Variants in STAG1 observed in about 807,000 individuals in gnomAD.
STAG1 encodes STAG1 cohesin complex component.
A neutral mutation model predicts 170.9 loss-of-function variants in STAG1; 26 were observed. The observed-to-expected ratio is 0.15, with a 90% CI of 0.11 to 0.21. The LOEUF (loss-of-function observed/expected upper bound fraction) is 0.21. Among genes scored for constraint, STAG1 ranks in the 10% least tolerant of loss-of-function variants. The pLI is 1.00. For missense variants in STAG1, 964 were observed against 1,509.5 expected, an observed-to-expected ratio of 0.64 and a Z score of 5.99; for synonymous variants, 514 against 497.7, an observed-to-expected ratio of 1.03 and a Z score of -0.44.
intron 1 of STAG1, among the ~76,000 whole-genome samples, chr3:136,728,578 A>G (rs1263422764): frequency 6.6e-6 from 1 of 152,160 alleles, no homozygotes; most frequent in Non-Finnish European, 1.5e-5. Context: ...AATATATACA[A>G]TATGCTAAGA....
At chr3:136,604,853 T>C (rs1301109677) in intron 3 of STAG1, among the ~76,000 whole-genome samples, 1 of 152,192 alleles carries the variant, frequency 6.6e-6, no homozygotes, top group Non-Finnish European at 1.5e-5. Flanking sequence ...TTTCACCATG[T>C]TGGCCAGGCT....
chr3:136,678,457 T>C (rs1258061393), intron 1 of STAG1, among the ~76,000 whole-genome samples: 1 of 148,654 alleles, frequency 6.7e-6, no homozygotes, highest in African/African-American at 2.5e-5. Flanking sequence ...GTTGAGAATC[T>C]CCAAGCAGAA....
rs138579947 is a variant in STAG1 at position 136,506,076 on chromosome 3, G to T, written c.677-3297C>A. On this transcript the variant is annotated intron_variant, in intron 7 of 33. Transcript: ENST00000383202. ...AGGCTCATGAATTAAATCTAAGCAG[G>T]GTAAGATGTCCTAGAGAATGTGGAG... Among the ~76,000 whole-genome samples, 12 of 152,250 alleles carry T rather than the reference G, an allele frequency of 7.9e-5. No homozygotes were observed. The East Asian group carries it at 2.3e-3, about 29-fold the overall frequency.
chr3:136,661,447 C>G (rs922564354), intron 1 of STAG1, among the ~76,000 whole-genome samples: 1 of 152,110 alleles, frequency 6.6e-6, no homozygotes, highest in African/African-American at 2.4e-5. Context: ...GCAGTCAAAA[C>G]AAAGGTGCAC....
intron 15 of STAG1, among the ~76,000 whole-genome samples, 180 bp from the exon 16 acceptor site, chr3:136,433,839 G>A (rs1001774802): frequency 3.3e-5 from 5 of 151,678 alleles, no homozygotes; most frequent in African/African-American, 7.3e-5. Context: ...GCTGTCATAA[G>A]TCAAATAGGA....
chr3:136,386,336 C>T (rs1251161371), intron 22 of STAG1, among the ~76,000 whole-genome samples: 3 of 151,894 alleles, frequency 2.0e-5, no homozygotes, highest in African/African-American at 4.8e-5. Flanking sequence ...GAGACTCTGT[C>T]GCAAAAATAA....
At chr3:136,626,342 C>A (rs953081877) in intron 2 of STAG1, among the ~76,000 whole-genome samples, 8 of 150,272 alleles carry the variant, frequency 5.3e-5, no homozygotes, top group African/African-American at 2.0e-4. Context: ...AGGAGAATTG[C>A]TTGAACCCAC....
chr3:136,722,003 C>G (rs891981910), intron 1 of STAG1, among the ~76,000 whole-genome samples: 1 of 151,952 alleles, frequency 6.6e-6, no homozygotes, highest in Non-Finnish European at 1.5e-5. Flanking sequence ...GGACAGATCG[C>G]TTGAGCTTCC....
At chr3:136,453,059 TC>T (rs2088992187) in intron 13 of STAG1, among the ~76,000 whole-genome samples, 1 of 152,148 alleles carries the variant, frequency 6.6e-6, no homozygotes, top group Non-Finnish European at 1.5e-5. Context: ...AGTTCTATTT[TC>T]CTAAACACTG....
At chr3:136,662,735 G>A (rs564988507) in intron 1 of STAG1, among the ~76,000 whole-genome samples, 7 of 151,726 alleles carry the variant, frequency 4.6e-5, no homozygotes, top group South Asian at 2.1e-4. Flanking sequence ...AAAAGCCACC[G>A]CACCCAGCCT....
At chr3:136,487,519 C>G (rs541414284) in intron 9 of STAG1, among the ~76,000 whole-genome samples, 1 of 152,300 alleles carries the variant, frequency 6.6e-6, no homozygotes, top group South Asian at 2.1e-4. Flanking sequence ...CTTTTCCAGA[C>G]TTGCAATTTG....
At chr3:136,494,154 C>T (rs993944405) in intron 9 of STAG1, among the ~76,000 whole-genome samples, 1 of 152,056 alleles carries the variant, frequency 6.6e-6, no homozygotes, top group Non-Finnish European at 1.5e-5. Flanking sequence ...TGCCTGCAGT[C>T]CTAGCTACTT....
chr3:136,703,048 C>G (rs1254151629), intron 1 of STAG1, among the ~76,000 whole-genome samples: 1 of 112,864 alleles, frequency 8.9e-6, no homozygotes, highest in Non-Finnish European at 1.7e-5. Context: ...AGCCTGGCAA[C>G]AGAGGAAGAC....
intron 1 of STAG1, among the ~76,000 whole-genome samples, chr3:136,711,350 A>C (rs1422643325): frequency 1.3e-5 from 2 of 152,170 alleles, no homozygotes; most frequent in Non-Finnish European, 2.9e-5. Context: ...ATCTTTAAAA[A>C]GAACAAGCTG....
chr3:136,340,600 C>A lies in STAG1; in HGVS notation c.3563G>T (p.Gly1188Val). Reference sequence around the variant, plus strand: ...GGGCTCAGCATCTTCCTCCATTAGACCCCGACTGGTAAGAAAAAGGTATTG... The same window carrying A: ...GGGCTCAGCATCTTCCTCCATTAGAACCCGACTGGTAAGAAAAAGGTATTG... The part of the protein sequence containing the change: ...VRTGVRHAVR[G>V]LMEEDAEPIF... The change falls in exon 32 of 34, where the codon GGT becomes GTT. Residue 1188 changes from glycine to valine, a missense_variant. This residue lies in a region of STAG1 where 59 missense variants were observed against 104.2 expected (regional missense o/e 0.57). Transcript: ENST00000383202. 6.2e-7 allele frequency: 1 copy of A among 1,606,986 alleles called. No individual in the cohort carries two copies. The highest frequency in any genetic ancestry group is 8.5e-7 in the Non-Finnish European group (1 of 1,173,460).
intron 4 of STAG1, among the ~76,000 whole-genome samples, chr3:136,576,912 T>A (rs1486456287): frequency 6.6e-6 from 1 of 152,068 alleles, no homozygotes; most frequent in Non-Finnish European, 1.5e-5. Context: ...TGGAGAAAGA[T>A]AGATTCGTTT....
chr3:136,465,952 T>C (rs760839241), intron 12 of STAG1, among the ~76,000 whole-genome samples: 6 of 151,622 alleles, frequency 4.0e-5, no homozygotes, highest in East Asian at 1.9e-4. Flanking sequence ...GCTAAGAAAA[T>C]AGAGGGAAAA....
intron 22 of STAG1, among the ~76,000 whole-genome samples, chr3:136,391,117 T>C (rs572020468): frequency 1.3e-5 from 2 of 152,372 alleles, no homozygotes; most frequent in African/African-American, 4.8e-5. Context: ...ATTGGACTTG[T>C]AGCTACCTAG....
In STAG1 at chr3:136,502,739, G is replaced by C. The variant is rs749102818; in HGVS notation, c.717C>G (p.Asn239Lys). The change falls in exon 8 of 34, where the codon AAC becomes AAG. Residue 239 changes from asparagine (N) to lysine (K), a missense_variant. Coordinates refer to ENST00000383202, the MANE Select transcript of STAG1 (RefSeq NM_005862.3). ...GGGTATTATCCTGATGAATACTGAGGTTTAAGGCAACATTCACCAGAGCAG... is the reference window on the plus strand; with the variant it reads ...GGGTATTATCCTGATGAATACTGAGCTTTAAGGCAACATTCACCAGAGCAG... Reference protein sequence around the residue: ...LMTALVNVALNLSIHQDNTQR... With the variant: ...LMTALVNVALKLSIHQDNTQR... The C allele has an allele frequency of 6.2e-7, 1 of 1,612,370 alleles. No homozygotes were observed. The highest frequency in any genetic ancestry group is 8.5e-7 in the Non-Finnish European group (1 of 1,179,310).
Sources: gnomAD v4.1 joint callset for allele counts (sites outside exome capture counted in the v4.1 genomes callset) on GRCh38, gnomAD v4.1.1 for gene constraint, gnomAD v4.1.1 regional missense constraint, MANE v1.5 for transcripts, NCBI Gene and HGNC (gene_info 2026-07-23, HGNC 2026-07-21) for gene names.